The following TRAF7 variants were observed in gnomAD, a reference collection of about 807,000 sequenced individuals.
TRAF7 encodes the protein E3 ubiquitin-protein ligase TRAF7.
TRAF7 carries 45 observed loss-of-function variants against 89.3 expected under a neutral mutation model. That is an observed-to-expected ratio of 0.50 (90% confidence interval 0.40 to 0.65). The LOEUF (loss-of-function observed/expected upper bound fraction) is 0.65, where lower values mean the gene tolerates loss of function less well. Among genes scored for constraint, TRAF7 ranks in the 30% least tolerant of loss-of-function variants. TRAF7 has a pLI of 0.00. For missense variants in TRAF7, 677 were observed against 918.1 expected, an observed-to-expected ratio of 0.74 and a Z score of 3.39; for synonymous variants, 406 against 369.2, an observed-to-expected ratio of 1.10 and a Z score of -1.14.
intron 3 of TRAF7, among the ~76,000 whole-genome samples, chr16:2,166,926 TC>T (rs2093088656): frequency 6.6e-6 from 1 of 152,204 alleles, no homozygotes; most frequent in African/African-American, 2.4e-5. Context: ...TTGTTCTCTC[TC>T]CTTTCTGGCA....
rs1404639835 is a variant in TRAF7, at chr16:2,164,017, T to C, written c.81+16T>C. 1 of 1,599,912 alleles carries C rather than the reference T, an allele frequency of 6.3e-7. No homozygotes were observed. Among genetic ancestry groups the C allele is most frequent in the African/African-American group, 1.3e-5 (1 of 74,520 alleles). ...CACCACAGGGGTAAGGGTGTGCCCC[T>C]CTGCAAGCCCAACATCCCCAGGACC... On this transcript the variant is annotated intron_variant, in intron 2 of 20. Coordinates refer to ENST00000326181, the MANE Select transcript of TRAF7 (RefSeq NM_032271.3).
At position 2,168,678 on chromosome 16, in the gene TRAF7, G is replaced by A. The variant is rs1158419738; in HGVS notation, c.231+510G>A. On this transcript the variant is annotated intron_variant, in intron 4 of 20. Coordinates refer to ENST00000326181, the MANE Select transcript of TRAF7 (RefSeq NM_032271.3). The surrounding 1 kb of genome is among the most constrained non-coding windows in gnomAD (Gnocchi z 4.1). ...CCTGCGCCAAGTGCTGGGGGAGCCG[G>A]AGAATTCCCTGTTGCTGGCTGTGTG... 3.3e-5 allele frequency among the ~76,000 whole-genome samples: 5 copies of A among 152,032 alleles called. No homozygotes were observed. Among genetic ancestry groups the A allele is most frequent in the African/African-American group, 1.2e-4 (5 of 41,372 alleles).
chr16:2,169,643 C>A (rs550118680), intron 4 of TRAF7, among the ~76,000 whole-genome samples: 1 of 152,302 alleles, frequency 6.6e-6, no homozygotes, highest in Admixed American at 6.5e-5. Context: ...GGTTCCCGTG[C>A]CAGCTCCTGC....
chr16:2,174,743 G>A (rs2093128258), intron 14 of TRAF7, among the ~76,000 whole-genome samples: 1 of 152,204 alleles, frequency 6.6e-6, no homozygotes, highest in South Asian at 2.1e-4. Context: ...CCTGCCTCCT[G>A]TCTCCTATCG....
chr16:2,161,534 C>G lies in TRAF7; in HGVS notation c.-38-2349C>G, dbSNP rs1596667973. Among the ~76,000 whole-genome samples, 1 of 152,202 alleles carries G rather than the reference C, an allele frequency of 6.6e-6. No homozygotes were observed. The highest frequency in any genetic ancestry group is 2.1e-4 in the South Asian group (1 of 4,834). On this transcript the variant is annotated intron_variant, in intron 1 of 20. Transcript: ENST00000326181. The surrounding 1 kb of genome is among the most constrained non-coding windows in gnomAD (Gnocchi z 5.2). ...CACCTGGGCCCCCGGGCAGGCATCACTGGCAGGGCTTGCAGCTGGCCCTGG... is the reference window on the plus strand; with the variant it reads ...CACCTGGGCCCCCGGGCAGGCATCAGTGGCAGGGCTTGCAGCTGGCCCTGG...
rs1567252168 is a variant in TRAF7 at position 2,173,171 on chromosome 16, TG to T, written c.795-10del. On this transcript the variant is annotated splice_polypyrimidine_tract_variant and intron_variant, in intron 9 of 20. Coordinates refer to ENST00000326181, the MANE Select transcript of TRAF7 (RefSeq NM_032271.3). ...GGACCCGCCAGGCAGGCAGCTGTCC[TG>T]TCCCCGCAGGTGCACGTTCATCGGG... The T allele has an allele frequency of 6.3e-7, 1 of 1,599,996 alleles. No individual in the cohort carries two copies. The highest frequency in any genetic ancestry group is 8.5e-7 in the Non-Finnish European group (1 of 1,175,184).
In TRAF7 at chr16:2,173,560, C is replaced by A; in HGVS notation, c.1086+6C>A. On this transcript the variant is annotated splice_donor_region_variant and intron_variant, in intron 11 of 20. Coordinates refer to ENST00000326181, the MANE Select transcript of TRAF7 (RefSeq NM_032271.3). The stretch of plus-strand genomic sequence containing the variant: ...GGGACGCATCCATGTTAAATGTGAG[C>A]GGGCGGGGCTGGAGGGGCTGGGTTG... 1 of 1,612,314 alleles carries A rather than the reference C, an allele frequency of 6.2e-7. No individual in the cohort carries two copies. Among genetic ancestry groups the A allele is most frequent in the East Asian group, 2.2e-5 (1 of 44,828 alleles).
Position 2,177,968 on chromosome 16 carries a change from T to C in TRAF7, c.*1394T>C, listed in dbSNP as rs1220097360. ...CAGCCTGGGCCTCTAACAGCTTTTG[T>C]CCGGAGCTAGACTTCGTGTCCTTTC... On this transcript the variant is annotated 3_prime_UTR_variant, in exon 21 of 21. Coordinates refer to ENST00000326181, the MANE Select transcript of TRAF7 (RefSeq NM_032271.3). 2.7e-6 allele frequency: 1 copy of C among 371,652 alleles called. No individual in the cohort carries two copies. The highest frequency in any genetic ancestry group is 5.6e-5 in the East Asian group (1 of 17,730). The allele number at this position is 371,652 out of a possible 1,614,324, so 23.0% of individuals were successfully genotyped here. A position where few individuals can be genotyped will look rare whatever the true frequency, so the allele number is the denominator to read the frequency against.
chr16:2,168,291 T>C lies in TRAF7; in HGVS notation c.231+123T>C. ...TGAGGCACAGGAGAAGAAGAGCACC[T>C]GTGGATACCCTGAGGCCTCGGCAGA... On this transcript the variant is annotated intron_variant, in intron 4 of 20. Coordinates refer to ENST00000326181, the MANE Select transcript of TRAF7 (RefSeq NM_032271.3). The surrounding 1 kb of genome is among the most constrained non-coding windows in gnomAD (Gnocchi z 4.1). 1.3e-6 allele frequency: 1 copy of C among 765,828 alleles called. No individual in the cohort carries two copies. The highest frequency in any genetic ancestry group is 1.8e-5 in the South Asian group (1 of 56,646). The allele number at this position is 765,828 out of a possible 1,614,324, so 47.4% of individuals were successfully genotyped here.
chr16:2,165,616 C>T (rs554478347), intron 2 of TRAF7, among the ~76,000 whole-genome samples: 2 of 141,604 alleles, frequency 1.4e-5, no homozygotes, highest in East Asian at 2.1e-4. Context: ...TGCTGTGTGG[C>T]GCAGCCTGGT....
At position 2,165,969 on chromosome 16, in the gene TRAF7, G is replaced by A. The variant is rs116508941; in HGVS notation, c.139+33G>A. ...CTTAAGCCAAGGCCAGCCCAGGCTG[G>A]GAATAACCGGGGCACCCCCATGCCC... On this transcript the variant is annotated intron_variant, in intron 3 of 20. Transcript: ENST00000326181. 1.8e-4 allele frequency: 297 copies of A among 1,613,402 alleles called. No homozygotes were observed. The African/African-American group carries it at 3.7e-3, about 20-fold the overall frequency.
At chr16:2,156,168 C>T (rs1328027083) in intron 1 of TRAF7, among the ~76,000 whole-genome samples, 4 of 152,098 alleles carry the variant, frequency 2.6e-5, no homozygotes, top group Non-Finnish European at 4.4e-5. Flanking sequence ...CGGGAGACCG[C>T]GGAGAACACG....
Position 2,176,703 on chromosome 16 carries a change from G to T in TRAF7, c.*129G>T. The T allele has an allele frequency of 7.3e-7, 1 of 1,378,270 alleles. No individual in the cohort carries two copies. Among genetic ancestry groups the T allele is most frequent in the Non-Finnish European group, 1.0e-6 (1 of 985,602 alleles). 85.4% of individuals were successfully genotyped at this position (1,378,270 alleles called of 1,614,324 possible). ...CATAGGTGGACAGGCTCTGGCAGCCGGGCAGTGCCCTCCCCGTCCCATGCT... is the reference window on the plus strand; with the variant it reads ...CATAGGTGGACAGGCTCTGGCAGCCTGGCAGTGCCCTCCCCGTCCCATGCT... On this transcript the variant is annotated 3_prime_UTR_variant, in exon 21 of 21. Coordinates refer to ENST00000326181, the MANE Select transcript of TRAF7 (RefSeq NM_032271.3).
rs1230091494 is a variant in TRAF7, at chr16:2,165,899, C to T, written c.102C>T (p.Phe34=). Reference sequence around the variant, plus strand: ...TCTAGACCAGAATGGAAACGACCTTCGGACCCGCCTTTTCAGCCGTCACCA... The same window carrying T: ...TCTAGACCAGAATGGAAACGACCTTTGGACCCGCCTTTTCAGCCGTCACCA... ...VTTGTRMETT[F]GPAFSAVTTI... The change falls in exon 3 of 21, where the codon TTC becomes TTT. Residue 34 remains phenylalanine (F), a synonymous_variant. Transcript: ENST00000326181. The T allele has an allele frequency of 4.3e-6, 7 of 1,613,994 alleles. No individual in the cohort carries two copies. Among genetic ancestry groups the T allele is most frequent in the African/African-American group, 1.3e-5 (1 of 74,928 alleles).
chr16:2,164,147 T>TGG (rs1179127535), intron 2 of TRAF7, 146 bp downstream of exon 2: 10 of 557,850 alleles, frequency 1.8e-5, no homozygotes, highest in African/African-American at 6.9e-5. Flanking sequence ...GTGGTGTGTG[T>TGG]GTGTGTGTGT....
rs774614180 is a variant in TRAF7 at position 2,175,291 on chromosome 16, C to T, written c.1387-10C>T. 6.2e-7 allele frequency: 1 copy of T among 1,613,108 alleles called. No individual in the cohort carries two copies. The highest frequency in any genetic ancestry group is 1.1e-5 in the South Asian group (1 of 91,078). On this transcript the variant is annotated splice_polypyrimidine_tract_variant and intron_variant, in intron 15 of 20. Transcript: ENST00000326181. ...TGGTGCCCTGAGGCTGCCGGTCCTTCCCCAATCAGGTGTGGGACATCCAGA... is the reference window on the plus strand; with the variant it reads ...TGGTGCCCTGAGGCTGCCGGTCCTTTCCCAATCAGGTGTGGGACATCCAGA...
At chr16:2,166,997 C>T (rs373555667) in intron 3 of TRAF7, among the ~76,000 whole-genome samples, 1 of 152,204 alleles carries the variant, frequency 6.6e-6, no homozygotes, top group African/African-American at 2.4e-5. Context: ...TCTGATAAAC[C>T]TGGCCATGGG....
chr16:2,162,348 TG>T lies in TRAF7; in HGVS notation c.-38-1529del, dbSNP rs373134434. Among the ~76,000 whole-genome samples, 1 of 151,972 alleles carries T rather than the reference TG, an allele frequency of 6.6e-6. No individual in the cohort carries two copies. The highest frequency in any genetic ancestry group is 1.5e-5 in the Non-Finnish European group (1 of 67,954). ...CTCCCTGCACACCTGTAGGCCGGGC[TG>T]GGGGGCCCCAGGCCAGACTGTGGGC... On this transcript the variant is annotated intron_variant, in intron 1 of 20. Transcript: ENST00000326181. The surrounding 1 kb of genome is among the most constrained non-coding windows in gnomAD (Gnocchi z 5.0).
intron 2 of TRAF7, 169 bp from the exon 3 acceptor site, chr16:2,165,710 G>C (rs550709720): frequency 1.4e-6 from 1 of 716,094 alleles, no homozygotes; most frequent in Non-Finnish European, 2.3e-6. Context: ...CGGCCTGGTC[G>C]CATGATTAAG....
Sources: gnomAD v4.1 joint callset for allele counts (sites outside exome capture counted in the v4.1 genomes callset) on GRCh38, gnomAD v4.1.1 for gene constraint, Gnocchi (gnomAD v3.1) non-coding constraint, MANE v1.5 for transcripts, NCBI Gene and HGNC (gene_info 2026-07-23, HGNC 2026-07-21) for gene names.